SFMBT1: variants seen among roughly 807,000 people sequenced by gnomAD.
SFMBT1 encodes Scm like with four mbt domains 1.
In SFMBT1, 32 loss-of-function variants were observed where a neutral mutation model predicts 108.7. The ratio of observed to expected loss-of-function variants is 0.29; its 90% CI spans 0.22 to 0.40. The LOEUF (loss-of-function observed/expected upper bound fraction) is 0.40. Ranked by LOEUF, SFMBT1 falls within the 10% of genes least tolerant of loss-of-function variation. The pLI is 1.00. For synonymous variants in SFMBT1, 348 were observed against 369.5 expected (o/e 0.94, Z 0.67); for missense variants, 816 against 1,059.6 (o/e 0.77, Z 3.19).
chr3:52,964,697 G>A (rs1407421246), intron 2 of SFMBT1, among the ~76,000 whole-genome samples: 1 of 152,050 alleles, frequency 6.6e-6, no homozygotes, highest in Admixed American at 6.6e-5. Context: ...AGTTTGGGGG[G>A]CAGGATATGT....
intron 2 of SFMBT1, among the ~76,000 whole-genome samples, chr3:52,958,003 A>G (rs952674339): frequency 6.6e-6 from 1 of 152,180 alleles, no homozygotes; most frequent in Non-Finnish European, 1.5e-5. Flanking sequence ...CAAAAGAAAC[A>G]ATCACCAGAG....
chr3:52,972,376 T>C (rs902907546), intron 1 of SFMBT1, among the ~76,000 whole-genome samples: 20 of 152,186 alleles, frequency 1.3e-4, no homozygotes, highest in African/African-American at 4.1e-4. Flanking sequence ...TCACAAGAAA[T>C]AGACTGATGA....
intron 15 of SFMBT1, 57 bp from the exon 16 acceptor site, chr3:52,912,704 G>C: frequency 7.9e-7 from 1 of 1,262,450 alleles, no homozygotes; most frequent in Non-Finnish European, 1.2e-6. Context: ...CAGACCATTA[G>C]AATCTTGTCA....
chr3:52,912,576 G>A lies in SFMBT1; in HGVS notation c.1692C>T (p.Asp564=). 1 of 1,614,176 alleles carries A rather than the reference G, an allele frequency of 6.2e-7. No individual in the cohort carries two copies. Among genetic ancestry groups the A allele is most frequent in the Non-Finnish European group, 8.5e-7 (1 of 1,179,996 alleles). ...RVLRELQLDK[D]SVWHGCGEVL... ...CTTCCCCACATCCGTGCCACACAGA[G>A]TCTTTGTCCAGCTGGAGCTCCCGAA... The change falls in exon 16 of 21, where the codon GAC becomes GAT. Residue 564 remains aspartate, a synonymous_variant. Coordinates refer to ENST00000394752, the MANE Select transcript of SFMBT1 (RefSeq NM_016329.4).
At chr3:52,955,414 A>AAAATAAAT (rs554888652) in intron 2 of SFMBT1, among the ~76,000 whole-genome samples, 6 of 151,668 alleles carry the variant, frequency 4.0e-5, no homozygotes, top group African/African-American at 1.5e-4. Context: ...CTCTATCTCA[A>AAAATAAAT]AAATAAATAA....
chr3:52,978,361 G>A (rs1157538059), intron 1 of SFMBT1, among the ~76,000 whole-genome samples: 1 of 152,124 alleles, frequency 6.6e-6, no homozygotes, highest in Non-Finnish European at 1.5e-5. Context: ...GCAAGAACAA[G>A]TAGAAGGAGA....
At chr3:52,923,400 T>C (rs1702571794) in intron 10 of SFMBT1, among the ~76,000 whole-genome samples, 1 of 151,962 alleles carries the variant, frequency 6.6e-6, no homozygotes, top group Non-Finnish European at 1.5e-5. Context: ...ACCCTGTCCC[T>C]ACTAAAAATA....
At chr3:52,992,812 C>T (rs928999502) in intron 1 of SFMBT1, among the ~76,000 whole-genome samples, 1 of 152,186 alleles carries the variant, frequency 6.6e-6, no homozygotes, top group African/African-American at 2.4e-5. Flanking sequence ...TTTGTGGGAC[C>T]CTCTAGAAGA....
At chr3:53,009,401 T>C (rs1347443481) in intron 1 of SFMBT1, among the ~76,000 whole-genome samples, 1 of 152,106 alleles carries the variant, frequency 6.6e-6, no homozygotes. Flanking sequence ...TGAGCCGAGA[T>C]CACGCCACTG....
At chr3:53,036,785 C>T (rs754479300) in intron 1 of SFMBT1, among the ~76,000 whole-genome samples, 2 of 152,200 alleles carry the variant, frequency 1.3e-5, no homozygotes, top group Non-Finnish European at 2.9e-5. Flanking sequence ...TTCTGGAGAA[C>T]CTGAATTCTC....
intron 10 of SFMBT1, among the ~76,000 whole-genome samples, chr3:52,925,662 C>T (rs897629868): frequency 6.6e-6 from 1 of 152,188 alleles, no homozygotes; most frequent in Non-Finnish European, 1.5e-5. Flanking sequence ...CTACATGGCT[C>T]TTTAAACCAC....
rs144674171 is a variant in SFMBT1, at chr3:52,915,964, T to C, written c.1480+186A>G. On this transcript the variant is annotated intron_variant, in intron 14 of 20. Coordinates refer to ENST00000394752, the MANE Select transcript of SFMBT1 (RefSeq NM_016329.4). Reference sequence around the variant, plus strand: ...TACAATTATTAGAAATGGACGGAACTATCAGCCTAGAGATGATTATTAAAC... The same window carrying C: ...TACAATTATTAGAAATGGACGGAACCATCAGCCTAGAGATGATTATTAAAC... Among the ~76,000 whole-genome samples the C allele has an allele frequency of 4.6e-5, 7 of 152,336 alleles. No individual in the cohort carries two copies. The East Asian group carries it at 1.3e-3, about 29-fold the overall frequency.
intron 14 of SFMBT1, among the ~76,000 whole-genome samples, chr3:52,914,952 G>C (rs933898404): frequency 6.6e-6 from 1 of 152,178 alleles, no homozygotes; most frequent in Non-Finnish European, 1.5e-5. Context: ...CAGCAGGAGA[G>C]GGCCACCTTG....
chr3:52,906,035 T>C, intron 20 of SFMBT1, 78 bp downstream of exon 20: 3 of 1,499,446 alleles, frequency 2.0e-6, no homozygotes, highest in Admixed American at 3.7e-5. Flanking sequence ...CTAAAACTTG[T>C]AAATAAATTG....
At chr3:53,045,569 G>C (rs1190080434) in intron 1 of SFMBT1, among the ~76,000 whole-genome samples, 1 of 141,740 alleles carries the variant, frequency 7.1e-6, no homozygotes, top group Non-Finnish European at 1.6e-5. Context: ...CCGGCCGGCC[G>C]GCGCGCGGGA....
At chr3:52,943,690 A>C (rs2106815732) in intron 3 of SFMBT1, 97 bp from the exon 4 acceptor site, 3 of 1,472,326 alleles carry the variant, frequency 2.0e-6, no homozygotes, top group South Asian at 2.3e-5. Context: ...CCGAAGCACT[A>C]AATGCAATAA....
Position 53,013,407 on chromosome 3 carries a change from G to A in SFMBT1, c.-131+32409C>T, listed in dbSNP as rs1042465312. 5.9e-5 allele frequency among the ~76,000 whole-genome samples: 9 copies of A among 151,440 alleles called. No individual in the cohort carries two copies. In the East Asian group the frequency reaches 7.7e-4, roughly 13 times the overall value. On this transcript the variant is annotated intron_variant, in intron 1 of 20. Coordinates refer to ENST00000394752, the MANE Select transcript of SFMBT1 (RefSeq NM_016329.4). ...ACTCTTAGTGGTATTGTATGGCTAA[G>A]TTGTTCAAAACAGACCAGAGGTGAG...
chr3:52,911,255 C>T, intron 16 of SFMBT1, 77 bp from the exon 17 acceptor site: 1 of 1,413,114 alleles, frequency 7.1e-7, no homozygotes, highest in Non-Finnish European at 9.6e-7. Flanking sequence ...TATTAATACA[C>T]CTAAAAAATA....
At chr3:53,034,527 C>G (rs1475926008) in intron 1 of SFMBT1, among the ~76,000 whole-genome samples, 1 of 151,750 alleles carries the variant, frequency 6.6e-6, no homozygotes, top group Non-Finnish European at 1.5e-5. Flanking sequence ...TTGCAGTGAG[C>G]CAAGATCGCA....
Sources: allele counts gnomAD v4.1 joint callset (sites outside exome capture counted in the v4.1 genomes callset), GRCh38; gene constraint gnomAD v4.1.1; transcripts MANE v1.5; gene names NCBI Gene and HGNC (gene_info 2026-07-23, HGNC 2026-07-21).